The following PTPRD variants were observed in gnomAD, a reference collection of about 807,000 sequenced individuals.
The protein encoded by PTPRD is receptor-type tyrosine-protein phosphatase delta.
PTPRD carries 34 observed loss-of-function variants against 214.5 expected under a neutral mutation model. The ratio of observed to expected loss-of-function variants is 0.16; its 90% CI spans 0.12 to 0.21. PTPRD has a LOEUF of 0.21. Among genes scored for constraint, PTPRD ranks in the 10% least tolerant of loss-of-function variants. PTPRD has a pLI of 1.00. For missense variants in PTPRD, 2,545 were observed against 2,398.7 expected (o/e 1.06, Z -1.27); for synonymous variants, 1,128 against 845.7 (o/e 1.33, Z -5.79).
At chr9:10,305,009 T>C (rs2096010306) in intron 3 of PTPRD, among the ~76,000 whole-genome samples, 1 of 152,084 alleles carries the variant, frequency 6.6e-6, no homozygotes, top group Non-Finnish European at 1.5e-5. Flanking sequence ...CTTCAAACTA[T>C]ACTACAAGGC....
chr9:9,319,532 TACA>T (rs907648026), intron 9 of PTPRD, among the ~76,000 whole-genome samples: 4 of 152,220 alleles, frequency 2.6e-5, no homozygotes, highest in African/African-American at 9.6e-5. Context: ...TTAAATGTTA[TACA>T]ATCGGCTTTG....
intron 3 of PTPRD, among the ~76,000 whole-genome samples, chr9:10,067,962 G>A (rs1297361895): frequency 6.6e-6 from 1 of 151,862 alleles, no homozygotes; most frequent in East Asian, 1.9e-4. Flanking sequence ...TGGCTCTTGG[G>A]ATTTTGTGCT....
intron 9 of PTPRD, among the ~76,000 whole-genome samples, chr9:9,285,952 C>G (rs1405055483): frequency 6.6e-6 from 1 of 151,718 alleles, no homozygotes; most frequent in South Asian, 2.1e-4. Flanking sequence ...ATTTCCTGGT[C>G]TGCCAGAGGC....
intron 9 of PTPRD, among the ~76,000 whole-genome samples, chr9:9,269,695 G>A (rs988224871): frequency 1.3e-5 from 2 of 151,320 alleles, no homozygotes; most frequent in South Asian, 2.1e-4. Context: ...AGAAAATCCT[G>A]CTATTTGTGA....
intron 7 of PTPRD, among the ~76,000 whole-genome samples, chr9:9,680,212 G>A (rs1437037706): frequency 6.6e-6 from 1 of 151,628 alleles, no homozygotes; most frequent in African/African-American, 2.4e-5. Flanking sequence ...CACTTAAAAT[G>A]ATAAAAAAGC....
At chr9:9,045,952 C>G (rs2099671155) in intron 10 of PTPRD, among the ~76,000 whole-genome samples, 1 of 152,152 alleles carries the variant, frequency 6.6e-6, no homozygotes, top group Non-Finnish European at 1.5e-5. Flanking sequence ...CCAGATGCTT[C>G]TCAGCTGCCT....
At chr9:10,011,718 A>G (rs2096603949) in intron 4 of PTPRD, among the ~76,000 whole-genome samples, 2 of 152,058 alleles carry the variant, frequency 1.3e-5, no homozygotes, top group Admixed American at 1.3e-4. Context: ...ATAGTAATTT[A>G]TGATTACAAG....
chr9:10,385,688 T>C (rs2097901921), intron 2 of PTPRD, among the ~76,000 whole-genome samples: 1 of 151,842 alleles, frequency 6.6e-6, no homozygotes, highest in African/African-American at 2.4e-5. Context: ...AAAATATAGA[T>C]AATATTTCAC....
chr9:9,931,911 C>G (rs1296836448), intron 5 of PTPRD, among the ~76,000 whole-genome samples: 2 of 151,276 alleles, frequency 1.3e-5, no homozygotes, highest in African/African-American at 2.4e-5. Context: ...TCAAGTGGGT[C>G]CCTGACCCCT....
intron 9 of PTPRD, among the ~76,000 whole-genome samples, chr9:9,278,011 A>T (rs138111009): frequency 6.6e-6 from 1 of 151,550 alleles, no homozygotes; most frequent in East Asian, 2.0e-4. Context: ...AACTAATTAC[A>T]TTAACTTTCA....
chr9:8,556,214 T>C (rs1041647626), intron 14 of PTPRD, among the ~76,000 whole-genome samples: 13 of 152,354 alleles, frequency 8.5e-5, no homozygotes, highest in African/African-American at 2.9e-4. Flanking sequence ...ATTTTGTGCA[T>C]ATAAGTCTGG....
intron 5 of PTPRD, among the ~76,000 whole-genome samples, chr9:9,835,526 G>A (rs755930853): frequency 5.3e-5 from 8 of 152,078 alleles, no homozygotes; most frequent in Non-Finnish European, 1.5e-5. Context: ...ACTCCCAAAT[G>A]AGAATTAAAC....
Position 10,426,731 on chromosome 9 carries a change from G to GT in PTPRD, c.-599-85715dup, listed in dbSNP as rs1016615101. ...TTGCATTTACCTGAAGTGGACTATA[G>GT]TTTTTTTGCAGAGGCAGAGATGAAA... On this transcript the variant is annotated intron_variant, in intron 2 of 45. Transcript: ENST00000381196. Among the ~76,000 whole-genome samples, 17 of 152,010 alleles carry GT rather than the reference G, an allele frequency of 1.1e-4. No homozygotes were observed. In the South Asian group the frequency reaches 1.9e-3, roughly 17 times the overall value.
At chr9:8,738,454 A>C (rs1445520680) in intron 11 of PTPRD, among the ~76,000 whole-genome samples, 1 of 152,192 alleles carries the variant, frequency 6.6e-6, no homozygotes, top group Non-Finnish European at 1.5e-5. Context: ...AGAGTCCCTT[A>C]GAAAATGGCA....
chr9:8,970,931 A>G (rs2099234343), intron 11 of PTPRD, among the ~76,000 whole-genome samples: 1 of 151,526 alleles, frequency 6.6e-6, no homozygotes, highest in Non-Finnish European at 1.5e-5. Flanking sequence ...AACAACAAAA[A>G]CCAAACAAAA....
At chr9:10,383,928 T>C (rs1257337025) in intron 2 of PTPRD, among the ~76,000 whole-genome samples, 1 of 151,364 alleles carries the variant, frequency 6.6e-6, no homozygotes, top group Non-Finnish European at 1.5e-5. Context: ...TAACCATAGG[T>C]TTAATCTACC....
intron 11 of PTPRD, among the ~76,000 whole-genome samples, chr9:8,765,337 A>G (rs551392096): frequency 2.6e-4 from 40 of 152,288 alleles, no homozygotes; most frequent in African/African-American, 7.2e-4. Flanking sequence ...CAATAACACT[A>G]TAAGTTATAT....
chr9:10,436,261 T>C (rs1485831909), intron 2 of PTPRD, among the ~76,000 whole-genome samples: 1 of 151,984 alleles, frequency 6.6e-6, no homozygotes, highest in South Asian at 2.1e-4. Flanking sequence ...TGAATATATA[T>C]GTATATGTAT....
intron 2 of PTPRD, among the ~76,000 whole-genome samples, chr9:10,365,700 T>G (rs542701761): frequency 6.6e-6 from 1 of 152,202 alleles, no homozygotes; most frequent in African/African-American, 2.4e-5. Context: ...AAACAAACCA[T>G]TAGGTTTAAC....
Sources: allele counts gnomAD v4.1 joint callset (sites outside exome capture counted in the v4.1 genomes callset), GRCh38; gene constraint gnomAD v4.1.1; transcripts MANE v1.5; gene names NCBI Gene and HGNC (gene_info 2026-07-23, HGNC 2026-07-21).